The following CTNNA3 variants were observed in gnomAD, a reference collection of about 807,000 sequenced individuals.
The protein encoded by CTNNA3 is catenin alpha 3.
Under a neutral mutation model 95.7 loss-of-function variants are expected in CTNNA3, and 76 were observed. The ratio of observed to expected loss-of-function variants is 0.79; its 90% CI spans 0.66 to 0.96. CTNNA3 has a LOEUF of 0.96. CTNNA3 is among the 40% of genes least tolerant of loss of function. The pLI is 0.00. For synonymous variants in CTNNA3, 431 were observed against 374.4 expected, an observed-to-expected ratio of 1.15 and a Z score of -1.74; for missense variants, 1,191 against 1,089.8, an observed-to-expected ratio of 1.09 and a Z score of -1.31.
chr10:66,089,718 T>TA (rs2133687152), intron 14 of CTNNA3, among the ~76,000 whole-genome samples: 1 of 151,598 alleles, frequency 6.6e-6, no homozygotes, highest in African/African-American at 2.4e-5. Context: ...ACAAGGTAGG[T>TA]ATTCTCTGAG....
intron 7 of CTNNA3, among the ~76,000 whole-genome samples, chr10:66,901,827 AC>A (rs749467885): frequency 1.3e-5 from 2 of 152,254 alleles, no homozygotes. Context: ...AGAAGAGCTA[AC>A]TATGCTAAAT....
intron 7 of CTNNA3, among the ~76,000 whole-genome samples, chr10:67,039,135 A>T (rs569365925): frequency 5.1e-4 from 78 of 152,216 alleles, no homozygotes; most frequent in African/African-American, 1.8e-3. Flanking sequence ...TCACACTGAG[A>T]TTACTATGAA....
chr10:67,243,785 C>A (rs1437335294), intron 5 of CTNNA3, among the ~76,000 whole-genome samples: 1 of 152,208 alleles, frequency 6.6e-6, no homozygotes, highest in African/African-American at 2.4e-5. Flanking sequence ...TACATTCTAT[C>A]ACACACAGAC....
At chr10:67,499,191 T>A (rs529175089) in intron 5 of CTNNA3, among the ~76,000 whole-genome samples, 126 of 152,140 alleles carry the variant, frequency 8.3e-4, no homozygotes, top group South Asian at 3.5e-3. Context: ...TATTGAGATA[T>A]TCATGGGTTT....
At position 66,911,302 on chromosome 10, in the gene CTNNA3, T is replaced by C. The variant is rs186248907; in HGVS notation, c.1048-135778A>G. 6.4e-3 allele frequency among the ~76,000 whole-genome samples: 968 copies of C among 152,330 alleles called. 7 individuals are homozygous for C. The highest frequency in any genetic ancestry group is 0.01 in the Non-Finnish European group (693 of 68,026). The stretch of plus-strand genomic sequence containing the variant: ...TCAAGTTAATAAAAAATTTGTATAG[T>C]TCCCAATATTAGTAAGGATTACTTT... On this transcript the variant is annotated intron_variant, in intron 7 of 17. Coordinates refer to ENST00000433211, the MANE Select transcript of CTNNA3 (RefSeq NM_013266.4).
chr10:66,105,110 CT>C (rs1348902169), intron 13 of CTNNA3, among the ~76,000 whole-genome samples: 3 of 152,190 alleles, frequency 2.0e-5, no homozygotes, highest in Admixed American at 6.5e-5. Flanking sequence ...AACATCCCCC[CT>C]CTCGCCAAAG....
intron 7 of CTNNA3, among the ~76,000 whole-genome samples, chr10:66,848,069 T>C (rs1056103246): frequency 2.0e-5 from 3 of 151,998 alleles, no homozygotes; most frequent in African/African-American, 7.2e-5. Context: ...TGGCAGAGGA[T>C]CTGGATGGTA....
chr10:66,913,001 A>T (rs1248007316), intron 7 of CTNNA3, among the ~76,000 whole-genome samples: 1 of 152,124 alleles, frequency 6.6e-6, no homozygotes, highest in African/African-American at 2.4e-5. Flanking sequence ...GCACTTTGGG[A>T]GGCCGAGGCG....
At chr10:67,148,688 C>T (rs756839163) in intron 7 of CTNNA3, among the ~76,000 whole-genome samples, 1 of 152,202 alleles carries the variant, frequency 6.6e-6, no homozygotes, top group African/African-American at 2.4e-5. Flanking sequence ...GTGCACTACC[C>T]TCTTCTTACA....
At chr10:67,647,320 A>G (rs1839746541) in intron 2 of CTNNA3, 95 bp downstream of exon 2, 1 of 899,676 alleles carries the variant, frequency 1.1e-6, no homozygotes, top group Non-Finnish European at 1.6e-6. Flanking sequence ...TTTATATATA[A>G]AAATCAAATC....
At chr10:66,163,780 C>T (rs1408481902) in intron 13 of CTNNA3, among the ~76,000 whole-genome samples, 1 of 152,158 alleles carries the variant, frequency 6.6e-6, no homozygotes, top group Non-Finnish European at 1.5e-5. Flanking sequence ...GCTGCATGAC[C>T]ATGTTCAAGT....
At chr10:66,564,385 G>C (rs1003889196) in intron 10 of CTNNA3, among the ~76,000 whole-genome samples, 1 of 152,132 alleles carries the variant, frequency 6.6e-6, no homozygotes, top group Non-Finnish European at 1.5e-5. Context: ...TTTCAGCAGG[G>C]CTATGGTCTA....
intron 7 of CTNNA3, among the ~76,000 whole-genome samples, chr10:67,155,637 A>C (rs1861280842): frequency 6.6e-6 from 1 of 152,044 alleles, no homozygotes; most frequent in Non-Finnish European, 1.5e-5. Flanking sequence ...ATGAAAATAC[A>C]GATTGTGTTA....
chr10:67,503,903 A>G (rs183304902), intron 5 of CTNNA3, among the ~76,000 whole-genome samples: 263 of 152,318 alleles, frequency 1.7e-3, no homozygotes, highest in African/African-American at 5.6e-3. Flanking sequence ...CATGCCTGTA[A>G]TCCCAGCACT....
intron 5 of CTNNA3, among the ~76,000 whole-genome samples, chr10:67,439,396 CT>C (rs1385403713): frequency 6.6e-6 from 1 of 152,074 alleles, no homozygotes; most frequent in African/African-American, 2.4e-5. Context: ...TCTCAGGAAA[CT>C]TACAATCAAT....
intron 4 of CTNNA3, among the ~76,000 whole-genome samples, chr10:67,530,787 C>T (rs1840300896): frequency 6.6e-6 from 1 of 152,192 alleles, no homozygotes; most frequent in Non-Finnish European, 1.5e-5. Flanking sequence ...TCCCAGCAGC[C>T]CCTCCCATCA....
chr10:67,726,664 T>TCA (rs1564841404), intron 1 of CTNNA3, among the ~76,000 whole-genome samples: 21 of 1,100 alleles, frequency 0.019, no homozygotes, highest in African/African-American at 0.042. Context: ...ATATTATATA[T>TCA]TATATTAATT....
intron 12 of CTNNA3, among the ~76,000 whole-genome samples, chr10:66,364,091 A>G (rs888049246): frequency 1.3e-5 from 2 of 151,796 alleles, no homozygotes; most frequent in African/African-American, 4.8e-5. Context: ...TGCCTACTAA[A>G]CCACAATAAA....
At chr10:66,777,297 A>G (rs1840340400) in intron 7 of CTNNA3, among the ~76,000 whole-genome samples, 1 of 151,834 alleles carries the variant, frequency 6.6e-6, no homozygotes, top group South Asian at 2.1e-4. Flanking sequence ...TGCCTCCTAT[A>G]GGAAGACACA....
Sources: gnomAD v4.1 joint callset for allele counts (sites outside exome capture counted in the v4.1 genomes callset) on GRCh38, gnomAD v4.1.1 for gene constraint, MANE v1.5 for transcripts, NCBI Gene and HGNC (gene_info 2026-07-23, HGNC 2026-07-21) for gene names.